DYNC1I2: variants seen among roughly 807,000 people sequenced by gnomAD.
DYNC1I2 encodes the protein cytoplasmic dynein 1 intermediate chain 2.
Under a neutral mutation model 88.6 loss-of-function variants are expected in DYNC1I2, and 53 were observed. The ratio of observed to expected loss-of-function variants is 0.60; its 90% CI spans 0.48 to 0.75. DYNC1I2 has a LOEUF of 0.75. DYNC1I2 is among the 30% of genes least tolerant of loss of function. The pLI is 0.00. For missense variants in DYNC1I2, 458 were observed against 766.6 expected, an observed-to-expected ratio of 0.60 and a Z score of 4.75; for synonymous variants, 198 against 254.6, an observed-to-expected ratio of 0.78 and a Z score of 2.12.
intron 7 of DYNC1I2, among the ~76,000 whole-genome samples, chr2:171,716,521 T>TA (rs1333617328): frequency 6.6e-6 from 1 of 152,162 alleles, no homozygotes; most frequent in African/African-American, 2.4e-5. Flanking sequence ...AGCCAGGAAA[T>TA]ACAGGTAAGC....
intron 7 of DYNC1I2, 24 bp from the exon 8 acceptor site, chr2:171,725,594 G>GTTTTTTTTTTT (rs759936366): frequency 1.7e-6 from 2 of 1,175,924 alleles, no homozygotes; most frequent in African/African-American, 2.2e-5. Context: ...TTGTTTTTTT[G>GTTTTTTTTTTT]TTTGTTTTTT....
intron 7 of DYNC1I2, among the ~76,000 whole-genome samples, chr2:171,724,022 T>C (rs1688074577): frequency 6.6e-6 from 1 of 152,142 alleles, no homozygotes; most frequent in Admixed American, 6.5e-5. Flanking sequence ...AAAGGAAAAA[T>C]TTTAACCTTC....
intron 2 of DYNC1I2, among the ~76,000 whole-genome samples, chr2:171,692,102 T>C (rs1685443259): frequency 6.6e-6 from 1 of 152,184 alleles, no homozygotes; most frequent in Admixed American, 6.5e-5. Context: ...AAAAAAACTT[T>C]TCCTTGGAAA....
At chr2:171,709,904 A>G (rs1322743214) in intron 5 of DYNC1I2, among the ~76,000 whole-genome samples, 1 of 152,070 alleles carries the variant, frequency 6.6e-6, no homozygotes, top group Admixed American at 6.6e-5. Context: ...TTTAGTAAAG[A>G]CAGGGTTTCA....
chr2:171,741,835 A>C (rs1007510945), intron 15 of DYNC1I2, among the ~76,000 whole-genome samples: 1 of 152,094 alleles, frequency 6.6e-6, no homozygotes, highest in East Asian at 1.9e-4. Context: ...TAATCCTAGC[A>C]CTTTGGGAGG....
intron 15 of DYNC1I2, among the ~76,000 whole-genome samples, chr2:171,743,101 A>G (rs1430840157): frequency 2.0e-5 from 3 of 152,238 alleles, no homozygotes; most frequent in African/African-American, 7.2e-5. Flanking sequence ...CCTTTCTGAC[A>G]ACATAAATTG....
chr2:171,729,447 T>A (rs543553009), intron 14 of DYNC1I2, among the ~76,000 whole-genome samples: 18 of 152,286 alleles, frequency 1.2e-4, no homozygotes, highest in Middle Eastern at 3.4e-3. Context: ...TTGTTTCTAT[T>A]ACACCACTTC....
rs555491335 is a variant in DYNC1I2, at chr2:171,713,682, CAGAT to C, written c.395+859_395+862del. Among the ~76,000 whole-genome samples, 618 of 152,232 alleles carry C rather than the reference CAGAT, an allele frequency of 4.1e-3. 3 individuals carry two copies. Among genetic ancestry groups the C allele is most frequent in the African/African-American group, 6.4e-3 (266 of 41,558 alleles). Reference sequence around the variant, plus strand: ...TTTGCTGCTGCCATTTTGCCTGACTCAGATAGCCCTTTTCCCCTGATAATTTACA... The same window carrying C: ...TTTGCTGCTGCCATTTTGCCTGACTCAGCCCTTTTCCCCTGATAATTTACA... On this transcript the variant is annotated intron_variant, in intron 6 of 17. Coordinates refer to ENST00000397119, the MANE Select transcript of DYNC1I2 (RefSeq NM_001378.3).
chr2:171,698,609 C>T (rs1188868113), intron 3 of DYNC1I2, among the ~76,000 whole-genome samples: 1 of 152,196 alleles, frequency 6.6e-6, no homozygotes, highest in Non-Finnish European at 1.5e-5. Context: ...GTGGCTCACA[C>T]CTGTAATCCC....
chr2:171,726,874 G>A lies in DYNC1I2; in HGVS notation c.954G>A (p.Met318Ile). ...ATGGTGTGGCCCTTGTATGGAATAT[G>A]AAATACAAAAAAACTACCCCAGAGT... ...EPDGVALVWN[M>I]KYKKTTPEYV... Residue 318 changes from methionine to isoleucine, a missense_variant, in exon 11 of 18, where the codon ATG becomes ATA. Coordinates refer to ENST00000397119, the MANE Select transcript of DYNC1I2 (RefSeq NM_001378.3). The A allele has an allele frequency of 6.8e-6, 11 of 1,611,708 alleles. No individual in the cohort carries two copies. Among genetic ancestry groups the A allele is most frequent in the Non-Finnish European group, 9.3e-6 (11 of 1,178,784 alleles).
chr2:171,729,830 A>T lies in DYNC1I2; in HGVS notation c.1513A>T (p.Thr505Ser). 1 of 1,613,730 alleles carries T rather than the reference A, an allele frequency of 6.2e-7. No individual in the cohort carries two copies. The highest frequency in any genetic ancestry group is 1.1e-5 in the South Asian group (1 of 91,070). The change falls in exon 15 of 18, where the codon ACA becomes TCA. Residue 505 changes from threonine to serine, a missense_variant. This residue lies in a region of DYNC1I2 where 188 missense variants were observed against 300.4 expected (regional missense o/e 0.63). Transcript: ENST00000397119. ...TTTTGTCACTTCATCGTTTGACTGGACAGTAAAGCTTTGGACAACTAAGGT... is the reference window on the plus strand; with the variant it reads ...TTTTGTCACTTCATCGTTTGACTGGTCAGTAAAGCTTTGGACAACTAAGGT... The part of the protein sequence containing the change: ...HLFVTSSFDW[T>S]VKLWTTKNNK...
chr2:171,730,614 T>C (rs548873827), intron 15 of DYNC1I2, among the ~76,000 whole-genome samples: 1 of 152,338 alleles, frequency 6.6e-6, no homozygotes, highest in South Asian at 2.1e-4. Flanking sequence ...GTGCCTTAAC[T>C]TTGCTGTCTA....
intron 5 of DYNC1I2, among the ~76,000 whole-genome samples, chr2:171,710,754 G>A (rs940181482): frequency 6.6e-6 from 1 of 150,590 alleles, no homozygotes; most frequent in African/African-American, 2.5e-5. Flanking sequence ...CCGGGCTGGG[G>A]TGCAATGGCG....
chr2:171,690,532 A>T (rs966033992), intron 2 of DYNC1I2, among the ~76,000 whole-genome samples: 1 of 152,206 alleles, frequency 6.6e-6, no homozygotes, highest in Admixed American at 6.5e-5. Flanking sequence ...ATTTTTAAAA[A>T]CAATTTCGTA....
chr2:171,724,591 C>T lies in DYNC1I2; in HGVS notation c.512-1027C>T, dbSNP rs908252574. Among the ~76,000 whole-genome samples, 7 of 152,082 alleles carry T rather than the reference C, an allele frequency of 4.6e-5. No homozygotes were observed. The South Asian group carries it at 6.2e-4, about 14-fold the overall frequency. ...CCATTCTTGACCATTCTTTTGTGTA[C>T]GTCGTATGTATGTGTGTTTTAGATA... is the stretch of plus-strand genomic sequence containing the variant. On this transcript the variant is annotated intron_variant, in intron 7 of 17. Coordinates refer to ENST00000397119, the MANE Select transcript of DYNC1I2 (RefSeq NM_001378.3).
At chr2:171,726,718 GAC>G (rs1267835717) in intron 10 of DYNC1I2, 71 bp from the exon 11 acceptor site, 1 of 1,555,148 alleles carries the variant, frequency 6.4e-7, no homozygotes, top group South Asian at 1.2e-5. Flanking sequence ...ATCTGATAAA[GAC>G]AAATAACTAG....
At chr2:171,717,754 A>G (rs140839099) in intron 7 of DYNC1I2, among the ~76,000 whole-genome samples, 1,732 of 152,282 alleles carry the variant, frequency 0.011, 19 homozygotes, top group African/African-American at 0.035. Context: ...GACCAGAATA[A>G]CCAAAACGAA....
At chr2:171,741,271 A>G (rs942823092) in intron 15 of DYNC1I2, among the ~76,000 whole-genome samples, 2 of 152,094 alleles carry the variant, frequency 1.3e-5, no homozygotes, top group Non-Finnish European at 2.9e-5. Flanking sequence ...TGAATGTGCA[A>G]GTTTTTATTT....
At chr2:171,741,546 T>C (rs1343338912) in intron 15 of DYNC1I2, among the ~76,000 whole-genome samples, 6 of 152,210 alleles carry the variant, frequency 3.9e-5, no homozygotes, top group Non-Finnish European at 8.8e-5. Context: ...CATGTACTTA[T>C]AGGCTATTGT....
Sources: gnomAD v4.1 joint callset for allele counts (sites outside exome capture counted in the v4.1 genomes callset) on GRCh38, gnomAD v4.1.1 for gene constraint, gnomAD v4.1.1 regional missense constraint, MANE v1.5 for transcripts, NCBI Gene and HGNC (gene_info 2026-07-23, HGNC 2026-07-21) for gene names.